The following SNX8 variants were observed in gnomAD, a reference collection of about 807,000 sequenced individuals.
SNX8 encodes the protein sorting nexin 8.
A neutral mutation model predicts 51.6 loss-of-function variants in SNX8; 25 were observed. The ratio of observed to expected loss-of-function variants is 0.48; its 90% CI spans 0.35 to 0.68. The LOEUF (loss-of-function observed/expected upper bound fraction) is 0.68. Among genes scored for constraint, SNX8 ranks in the 30% least tolerant of loss-of-function variants. SNX8 has a pLI of 0.00. For missense variants in SNX8, 695 were observed against 624.0 expected, an observed-to-expected ratio of 1.11 and a Z score of -1.21; for synonymous variants, 324 against 277.0, an observed-to-expected ratio of 1.17 and a Z score of -1.68.
intron 3 of SNX8, among the ~76,000 whole-genome samples, chr7:2,272,676 G>A (rs1562430806): frequency 6.6e-6 from 1 of 151,386 alleles, no homozygotes; most frequent in Non-Finnish European, 1.5e-5. Flanking sequence ...GCGCCCGGCC[G>A]AGTTTTTCTA....
intron 1 of SNX8, among the ~76,000 whole-genome samples, chr7:2,290,047 G>T (rs1562441169): frequency 6.6e-6 from 1 of 152,078 alleles, no homozygotes; most frequent in African/African-American, 2.4e-5. Context: ...ACAAAAATTA[G>T]CCGGGCGTGG....
chr7:2,270,706 G>A (rs974636970), intron 4 of SNX8, among the ~76,000 whole-genome samples: 39 of 152,194 alleles, frequency 2.6e-4, no homozygotes, highest in Non-Finnish European at 4.0e-4. Context: ...AGACATCCCC[G>A]GGGGCATCCC....
intron 1 of SNX8, among the ~76,000 whole-genome samples, chr7:2,295,953 T>C (rs143267868): frequency 1.3e-5 from 2 of 152,348 alleles, no homozygotes; most frequent in Non-Finnish European, 2.9e-5. Flanking sequence ...TGCACGTTTA[T>C]ACCAGGATCA....
intron 1 of SNX8, among the ~76,000 whole-genome samples, chr7:2,347,248 G>A (rs181240074): frequency 2.0e-4 from 30 of 152,170 alleles, no homozygotes; most frequent in African/African-American, 4.6e-4. Flanking sequence ...TTGGGAGGCC[G>A]AGGCTGACGG....
intron 1 of SNX8, among the ~76,000 whole-genome samples, chr7:2,336,747 C>T (rs1401018080): frequency 1.3e-5 from 2 of 151,812 alleles, no homozygotes; most frequent in East Asian, 3.9e-4. Flanking sequence ...TGGCTCACCC[C>T]TGTTATCCCA....
At chr7:2,321,567 C>T (rs1332308807) in intron 1 of SNX8, among the ~76,000 whole-genome samples, 1 of 150,782 alleles carries the variant, frequency 6.6e-6, no homozygotes, top group East Asian at 1.9e-4. Flanking sequence ...GCTGGAATAA[C>T]AGGCGCCCGC....
chr7:2,322,078 C>T (rs1449941613), intron 1 of SNX8, among the ~76,000 whole-genome samples: 3 of 152,142 alleles, frequency 2.0e-5, no homozygotes, highest in East Asian at 1.9e-4. Flanking sequence ...AGTTATATCA[C>T]GATGGTTAAT....
chr7:2,303,780 C>A (rs1394088544), intron 1 of SNX8, among the ~76,000 whole-genome samples: 3 of 152,104 alleles, frequency 2.0e-5, no homozygotes, highest in East Asian at 3.9e-4. Context: ...GTCATCACCA[C>A]TCCCTAATCT....
chr7:2,305,379 T>A (rs1796523096), intron 1 of SNX8, among the ~76,000 whole-genome samples: 1 of 152,012 alleles, frequency 6.6e-6, no homozygotes, highest in Non-Finnish European at 1.5e-5. Flanking sequence ...TTTGTTTGTT[T>A]TTGAGATAAA....
intron 1 of SNX8, among the ~76,000 whole-genome samples, chr7:2,310,156 C>T (rs113092067): frequency 6.6e-5 from 10 of 152,128 alleles, no homozygotes; most frequent in African/African-American, 1.2e-4. Flanking sequence ...TAATCGATCC[C>T]GAGAAATCAG....
chr7:2,286,589 C>T (rs1796034472), intron 1 of SNX8, among the ~76,000 whole-genome samples: 1 of 151,070 alleles, frequency 6.6e-6, no homozygotes, highest in Non-Finnish European at 1.5e-5. Flanking sequence ...ACGATCTCGG[C>T]TCACTGCAAC....
At chr7:2,295,431 A>G (rs1796250288) in intron 1 of SNX8, among the ~76,000 whole-genome samples, 1 of 147,718 alleles carries the variant, frequency 6.8e-6, no homozygotes, top group African/African-American at 2.5e-5. Context: ...GAGGCCAGGC[A>G]CGGAGGCACA....
At chr7:2,292,326 C>T (rs994515110) in intron 1 of SNX8, among the ~76,000 whole-genome samples, 1 of 152,016 alleles carries the variant, frequency 6.6e-6, no homozygotes, top group African/African-American at 2.4e-5. Flanking sequence ...AAACTGATCA[C>T]AGACCTAAAT....
chr7:2,301,544 G>C (rs769446057), intron 1 of SNX8, among the ~76,000 whole-genome samples: 1 of 152,216 alleles, frequency 6.6e-6, no homozygotes, highest in Non-Finnish European at 1.5e-5. Context: ...CTTAGAGGCA[G>C]TGTTGCACTC....
intron 7 of SNX8, among the ~76,000 whole-genome samples, chr7:2,258,621 G>A (rs1485111072): frequency 6.6e-6 from 1 of 152,232 alleles, no homozygotes; most frequent in African/African-American, 2.4e-5. Context: ...AGAAACGCAG[G>A]CCTAGGAAGG....
intron 1 of SNX8, among the ~76,000 whole-genome samples, chr7:2,304,659 T>G (rs1486964962): frequency 1.3e-5 from 2 of 152,150 alleles, no homozygotes; most frequent in Non-Finnish European, 2.9e-5. Context: ...ACAGGGTCAC[T>G]TTAAACTTCG....
At chr7:2,303,193 GC>G (rs1272625418) in intron 1 of SNX8, among the ~76,000 whole-genome samples, 1 of 148,512 alleles carries the variant, frequency 6.7e-6, no homozygotes, top group African/African-American at 2.5e-5. Flanking sequence ...GAAGTGAGGA[GC>G]CCCTCTGCCC....
At position 2,257,492 on chromosome 7, in the gene SNX8, T is replaced by C. The variant is rs757963243; in HGVS notation, c.1007A>G (p.Lys336Arg). 47 of 1,605,054 alleles carry C rather than the reference T, an allele frequency of 2.9e-5. No individual in the cohort carries two copies. The highest frequency in any genetic ancestry group is 3.7e-5 in the Non-Finnish European group (44 of 1,177,922). The change falls in exon 9 of 11, where the codon AAG becomes AGG. Residue 336 changes from lysine (K) to arginine (R), a missense_variant. Physicochemically the swap from Lys to Arg is conservative, Grantham distance 26 (BLOSUM62 2). Transcript: ENST00000222990. ...SYKDLCERHE[K>R]GVLHKHQRAL... ...CCGCTGGTGCTTGTGCAACACGCCCTTCTCATGCCGCTCGCACAGGTCCTG... is the reference window on the plus strand; with the variant it reads ...CCGCTGGTGCTTGTGCAACACGCCCCTCTCATGCCGCTCGCACAGGTCCTG...
chr7:2,352,322 C>T (rs1317828215), intron 1 of SNX8, among the ~76,000 whole-genome samples: 1 of 151,934 alleles, frequency 6.6e-6, no homozygotes, highest in African/African-American at 2.4e-5. Flanking sequence ...ACACAGTAGC[C>T]CCCCCGACCC....
Sources: allele counts gnomAD v4.1 joint callset (sites outside exome capture counted in the v4.1 genomes callset), GRCh38; gene constraint gnomAD v4.1.1; transcripts MANE v1.5; gene names NCBI Gene and HGNC (gene_info 2026-07-23, HGNC 2026-07-21).